Variants in DNAI4 observed in about 807,000 individuals in gnomAD.
DNAI4 encodes the protein dynein axonemal intermediate chain 4.
Under a neutral mutation model 105.8 loss-of-function variants are expected in DNAI4, and 85 were observed. The ratio of observed to expected loss-of-function variants is 0.80; its 90% CI spans 0.67 to 0.96. The LOEUF (loss-of-function observed/expected upper bound fraction) is 0.96. Ranked by LOEUF, DNAI4 falls within the 40% of genes least tolerant of loss-of-function variation. DNAI4 has a pLI of 0.00. For missense variants in DNAI4, 1,014 were observed against 1,005.6 expected (o/e 1.01, Z -0.11); for synonymous variants, 352 against 331.5 (o/e 1.06, Z -0.67).
intron 4 of DNAI4, among the ~76,000 whole-genome samples, chr1:66,880,785 T>C (rs995078971): frequency 6.6e-6 from 1 of 152,186 alleles, no homozygotes; most frequent in Admixed American, 6.5e-5. Context: ...AGCCAAATAT[T>C]AATCACCAAG....
In DNAI4 at chr1:66,813,989, T is replaced by A. The variant is rs954649177; in HGVS notation, c.*141A>T. ...ATCAAATATCTCTGAAATAAAAGTT[T>A]ATTAAATTTAAATTAAGTGGAAGTT... On this transcript the variant is annotated 3_prime_UTR_variant, in exon 17 of 17. Coordinates refer to ENST00000371026, the MANE Select transcript of DNAI4 (RefSeq NM_024763.5). 3.5e-6 allele frequency: 2 copies of A among 572,092 alleles called. No individual in the cohort carries two copies. The highest frequency in any genetic ancestry group is 3.0e-5 in the South Asian group (1 of 33,330). 35.4% of individuals were successfully genotyped at this position (572,092 alleles called of 1,614,324 possible). A position where few individuals can be genotyped will look rare whatever the true frequency, so the allele number is the denominator to read the frequency against.
chr1:66,861,585 G>T (rs1049387480), intron 7 of DNAI4, among the ~76,000 whole-genome samples: 5 of 151,976 alleles, frequency 3.3e-5, no homozygotes, highest in African/African-American at 1.2e-4. Context: ...TGTAATGTAG[G>T]GTTTCTCAAC....
At chr1:66,919,457 A>G (rs1650304589) in intron 1 of DNAI4, among the ~76,000 whole-genome samples, 1 of 152,222 alleles carries the variant, frequency 6.6e-6, no homozygotes, top group Admixed American at 6.5e-5. Context: ...GGAGCAGAAA[A>G]TGCCACTGAA....
At chr1:66,867,895 T>C (rs1238004138) in intron 6 of DNAI4, among the ~76,000 whole-genome samples, 1 of 152,188 alleles carries the variant, frequency 6.6e-6, no homozygotes, top group Non-Finnish European at 1.5e-5. Flanking sequence ...ATTTAATAGA[T>C]CACAGCAATT....
chr1:66,856,081 C>A (rs934584511), intron 7 of DNAI4, among the ~76,000 whole-genome samples: 1 of 151,962 alleles, frequency 6.6e-6, no homozygotes, highest in African/African-American at 2.4e-5. Context: ...GGTGATCCGC[C>A]TGTCTCGGCC....
intron 4 of DNAI4, among the ~76,000 whole-genome samples, chr1:66,885,674 T>A (rs1187860269): frequency 6.6e-6 from 1 of 151,716 alleles, no homozygotes; most frequent in African/African-American, 2.4e-5. Context: ...CCTGGGCACA[T>A]GGCAAAAACC....
intron 6 of DNAI4, among the ~76,000 whole-genome samples, chr1:66,863,280 G>C (rs1333763561): frequency 1.3e-5 from 2 of 152,076 alleles, no homozygotes; most frequent in Non-Finnish European, 2.9e-5. Context: ...TTCAGTTAAA[G>C]GATGGTGATT....
chr1:66,907,840 G>A (rs1342366996), intron 1 of DNAI4, among the ~76,000 whole-genome samples: 1 of 152,078 alleles, frequency 6.6e-6, no homozygotes, highest in Non-Finnish European at 1.5e-5. Context: ...TTTGTTTTTA[G>A]AAGGTCAATC....
intron 4 of DNAI4, among the ~76,000 whole-genome samples, chr1:66,886,611 T>C (rs1194143699): frequency 6.6e-6 from 1 of 152,200 alleles, no homozygotes; most frequent in East Asian, 1.9e-4. Context: ...TGCAATTCTT[T>C]CATCTGCAAT....
intron 10 of DNAI4, among the ~76,000 whole-genome samples, chr1:66,837,181 T>C (rs923413127): frequency 2.0e-5 from 3 of 152,018 alleles, no homozygotes; most frequent in Admixed American, 6.5e-5. Context: ...CTGGCCAACA[T>C]TGTGAAACCC....
chr1:66,840,369 T>G, intron 9 of DNAI4, 100 bp downstream of exon 9: 1 of 1,134,316 alleles, frequency 8.8e-7, no homozygotes, highest in Non-Finnish European at 1.3e-6. Flanking sequence ...CAATTTAAAT[T>G]CCTTGTGCCA....
chr1:66,883,137 T>C (rs1272926816), intron 4 of DNAI4, among the ~76,000 whole-genome samples: 1 of 150,398 alleles, frequency 6.6e-6, no homozygotes, highest in Non-Finnish European at 1.5e-5. Context: ...TATCCTGCAG[T>C]GTTGCAGGAT....
chr1:66,827,755 G>A (rs1188868468), intron 14 of DNAI4, 57 bp downstream of exon 14: 3 of 975,218 alleles, frequency 3.1e-6, no homozygotes, highest in Admixed American at 2.4e-5. Context: ...GTATATAATG[G>A]TACTGTTTTT....
intron 2 of DNAI4, among the ~76,000 whole-genome samples, chr1:66,897,706 C>T (rs183199399): frequency 3.3e-4 from 50 of 152,354 alleles, no homozygotes; most frequent in Admixed American, 1.2e-3. Context: ...GCTGTGCCCA[C>T]TACTCCAGAA....
At chr1:66,848,649 A>T (rs1572644446) in intron 7 of DNAI4, among the ~76,000 whole-genome samples, 2 of 152,228 alleles carry the variant, frequency 1.3e-5, no homozygotes, top group South Asian at 4.1e-4. Context: ...AGAAAACAAC[A>T]AACATAAGCA....
At chr1:66,864,448 A>C (rs1239684997) in intron 6 of DNAI4, among the ~76,000 whole-genome samples, 1 of 152,222 alleles carries the variant, frequency 6.6e-6, no homozygotes, top group Non-Finnish European at 1.5e-5. Flanking sequence ...AGTTGCTAAA[A>C]GGCAAAGAAA....
At chr1:66,878,078 A>G (rs1646994427) in intron 4 of DNAI4, among the ~76,000 whole-genome samples, 1 of 152,164 alleles carries the variant, frequency 6.6e-6, no homozygotes, top group Non-Finnish European at 1.5e-5. Context: ...TAGAATGGGA[A>G]GTTAAGATCC....
intron 1 of DNAI4, among the ~76,000 whole-genome samples, chr1:66,911,906 A>G (rs1168388357): frequency 2.6e-5 from 4 of 152,104 alleles, no homozygotes; most frequent in African/African-American, 4.8e-5. Context: ...CAGTGGCTCA[A>G]TCTTGGTTCA....
intron 1 of DNAI4, 102 bp downstream of exon 1, chr1:66,924,560 A>C (rs1650989464): frequency 6.6e-7 from 1 of 1,507,394 alleles, no homozygotes; most frequent in African/African-American, 1.4e-5. Context: ...GAACCCAGTT[A>C]GGGTAGGGCC....
Sources: allele counts gnomAD v4.1 joint callset (sites outside exome capture counted in the v4.1 genomes callset), GRCh38; gene constraint gnomAD v4.1.1; transcripts MANE v1.5; gene names NCBI Gene and HGNC (gene_info 2026-07-23, HGNC 2026-07-21).